Variants in ATG10 observed in about 807,000 individuals in gnomAD.
ATG10 encodes the protein autophagy related 10.
A neutral mutation model predicts 32.1 loss-of-function variants in ATG10; 30 were observed. That is an observed-to-expected ratio of 0.94 (90% CI 0.70 to 1.27). The LOEUF is 1.27. ATG10 is among the 50% of genes most tolerant of loss of function. The pLI, the probability that ATG10 is intolerant of heterozygous loss-of-function variation, is 0.00. For synonymous variants in ATG10, 87 were observed against 91.5 expected, an observed-to-expected ratio of 0.95 and a Z score of 0.28; for missense variants, 233 against 262.3, an observed-to-expected ratio of 0.89 and a Z score of 0.77.
intron 3 of ATG10, among the ~76,000 whole-genome samples, chr5:82,067,654 G>C (rs1041551486): frequency 5.9e-5 from 9 of 152,066 alleles, no homozygotes; most frequent in African/African-American, 2.2e-4. Context: ...GCTTCTTAAG[G>C]TTACTTCTAT....
intron 3 of ATG10, among the ~76,000 whole-genome samples, chr5:82,059,130 C>T (rs1054902519): frequency 1.3e-5 from 2 of 152,086 alleles, no homozygotes; most frequent in African/African-American, 4.8e-5. Flanking sequence ...GGGACTTTAA[C>T]CTTGACTTGA....
At chr5:82,102,625 G>T (rs1334691673) in intron 3 of ATG10, among the ~76,000 whole-genome samples, 3 of 152,170 alleles carry the variant, frequency 2.0e-5, no homozygotes, top group Non-Finnish European at 2.9e-5. Flanking sequence ...AAACACTGTT[G>T]AGTTGGGCTC....
At chr5:82,158,351 C>T (rs930710982) in intron 3 of ATG10, among the ~76,000 whole-genome samples, 20 of 150,050 alleles carry the variant, frequency 1.3e-4, no homozygotes, top group South Asian at 2.2e-4. Flanking sequence ...TACAGCTGCC[C>T]CCCCGCCCCC....
intron 2 of ATG10, among the ~76,000 whole-genome samples, chr5:82,017,501 T>C (rs1176798103): frequency 6.6e-6 from 1 of 152,218 alleles, no homozygotes; most frequent in Non-Finnish European, 1.5e-5. Flanking sequence ...GGGGGAATGC[T>C]TTCAACTTTT....
At position 82,118,400 on chromosome 5, in the gene ATG10, A is replaced by ATATATATATATATATAT. The variant is rs371581160; in HGVS notation, c.217-45994_217-45993insATATATATATATTATAT. Reference sequence around the variant, plus strand: ...ATAATATATGTACATATATATATATATATATGTATGTATATATTCCCTAGC... The same window carrying ATATATATATATATATAT: ...ATAATATATGTACATATATATATATATATATATATATATATATTATATGTATGTATATATTCCCTAGC... On this transcript the variant is annotated intron_variant, in intron 3 of 7. Transcript: ENST00000282185. Among the ~76,000 whole-genome samples, 22 of 115,832 alleles carry ATATATATATATATATAT rather than the reference A, an allele frequency of 1.9e-4. 2 individuals carry two copies. The highest frequency in any genetic ancestry group is 4.2e-4 in the Non-Finnish European group (22 of 52,912). The allele number at this position is 115,832 out of a possible 152,430, so 76.0% of individuals were successfully genotyped here.
chr5:82,188,774 A>G (rs913331730), intron 5 of ATG10, among the ~76,000 whole-genome samples: 4 of 152,124 alleles, frequency 2.6e-5, no homozygotes, highest in Non-Finnish European at 2.9e-5. Flanking sequence ...AGTAAGGAGT[A>G]TATGCTACCT....
At chr5:82,217,582 TAC>T (rs141381571) in intron 5 of ATG10, among the ~76,000 whole-genome samples, 6 of 151,932 alleles carry the variant, frequency 3.9e-5, no homozygotes, top group Non-Finnish European at 7.4e-5. Flanking sequence ...TGCATATATA[TAC>T]ACACACACAC....
intron 5 of ATG10, among the ~76,000 whole-genome samples, chr5:82,199,577 G>A (rs923746266): frequency 1.3e-5 from 2 of 152,084 alleles, no homozygotes; most frequent in African/African-American, 4.8e-5. Flanking sequence ...CTTTCTTTTG[G>A]CATTTGTCTG....
chr5:82,000,766 C>T (rs946820468), intron 2 of ATG10, among the ~76,000 whole-genome samples: 17 of 152,176 alleles, frequency 1.1e-4, no homozygotes, highest in Non-Finnish European at 2.2e-4. Context: ...AAGTGATTCT[C>T]CTGCCTCAGC....
chr5:82,147,704 G>A (rs1476495579), intron 3 of ATG10: 1 of 152,158 alleles, frequency 6.6e-6, no homozygotes, highest in Non-Finnish European at 1.5e-5. Flanking sequence ...TAGAATCTGG[G>A]GTTGTCCTCT....
At chr5:82,241,842 A>G (rs1694775234) in intron 5 of ATG10, among the ~76,000 whole-genome samples, 1 of 152,060 alleles carries the variant, frequency 6.6e-6, no homozygotes, top group Non-Finnish European at 1.5e-5. Context: ...AGATAAAAAA[A>G]GAAAAAAAAA....
intron 2 of ATG10, among the ~76,000 whole-genome samples, chr5:82,004,289 A>C (rs1291912572): frequency 6.6e-6 from 1 of 152,240 alleles, no homozygotes; most frequent in Non-Finnish European, 1.5e-5. Context: ...ACCTGAGCCT[A>C]GTGATCAGTC....
intron 2 of ATG10, among the ~76,000 whole-genome samples, chr5:81,989,028 G>T (rs1761374460): frequency 6.6e-6 from 1 of 150,884 alleles, no homozygotes; most frequent in Non-Finnish European, 1.5e-5. Flanking sequence ...GACAAGGTTT[G>T]GCCATGTTGG....
chr5:81,972,385 C>G (rs1760747689), intron 1 of ATG10, 79 bp downstream of exon 1: 1 of 152,638 alleles, frequency 6.6e-6, no homozygotes, highest in Non-Finnish European at 1.5e-5. Flanking sequence ...ACTCCTAGGA[C>G]AGGGAGGAAG....
chr5:82,224,650 T>C (rs747740929), intron 5 of ATG10, among the ~76,000 whole-genome samples: 5 of 152,026 alleles, frequency 3.3e-5, no homozygotes, highest in South Asian at 2.1e-4. Context: ...GTGGAAGTGA[T>C]TGTCTTCAAG....
At chr5:82,148,394 A>G (rs1462695943) in intron 3 of ATG10, among the ~76,000 whole-genome samples, 1 of 152,040 alleles carries the variant, frequency 6.6e-6, no homozygotes, top group Non-Finnish European at 1.5e-5. Flanking sequence ...GTCTCAGGAG[A>G]AGCATTATCT....
chr5:82,066,317 T>C (rs1404503513), intron 3 of ATG10, among the ~76,000 whole-genome samples: 1 of 152,198 alleles, frequency 6.6e-6, no homozygotes, highest in Non-Finnish European at 1.5e-5. Context: ...TGTGTTCTGC[T>C]TGAAGTTCGA....
intron 3 of ATG10, among the ~76,000 whole-genome samples, chr5:82,139,633 C>G (rs1487350311): frequency 7.5e-6 from 1 of 132,890 alleles, no homozygotes; most frequent in South Asian, 2.6e-4. Context: ...AAGTGAGGAG[C>G]GTCTCCGCCC....
chr5:81,986,750 A>G (rs1761287346), intron 1 of ATG10, among the ~76,000 whole-genome samples: 1 of 152,174 alleles, frequency 6.6e-6, no homozygotes, highest in South Asian at 2.1e-4. Flanking sequence ...CGGGAATAAA[A>G]AAACAAAAAC....
Sources: gnomAD v4.1 joint callset for allele counts (sites outside exome capture counted in the v4.1 genomes callset) on GRCh38, gnomAD v4.1.1 for gene constraint, MANE v1.5 for transcripts, NCBI Gene and HGNC (gene_info 2026-07-23, HGNC 2026-07-21) for gene names.